STK32B: variants seen among roughly 807,000 people sequenced by gnomAD.
STK32B encodes serine/threonine-protein kinase 32B.
In STK32B, 43 loss-of-function variants were observed where a neutral mutation model predicts 52.6. The observed-to-expected ratio is 0.82, with a 90% CI of 0.64 to 1.05. The LOEUF is 1.05. Ranked by LOEUF, STK32B falls within the 50% of genes least tolerant of loss-of-function variation. The pLI is 0.00. For synonymous variants in STK32B, 238 were observed against 204.3 expected, an observed-to-expected ratio of 1.17 and a Z score of -1.41; for missense variants, 621 against 534.6, an observed-to-expected ratio of 1.16 and a Z score of -1.59.
intron 1 of STK32B, 26 bp from the exon 2 acceptor site, chr4:5,139,879 G>GT (rs1346576083): frequency 6.2e-7 from 1 of 1,614,008 alleles, no homozygotes; most frequent in Admixed American, 1.7e-5. Context: ...AATCTGACTT[G>GT]TTTCCTTTTT....
At chr4:5,060,295 T>C (rs1388985112) in intron 1 of STK32B, among the ~76,000 whole-genome samples, 1 of 152,212 alleles carries the variant, frequency 6.6e-6, no homozygotes, top group African/African-American at 2.4e-5. Flanking sequence ...AGTTTCAAGT[T>C]TATTGACATA....
At chr4:5,323,991 C>T (rs1731706260) in intron 3 of STK32B, among the ~76,000 whole-genome samples, 2 of 152,212 alleles carry the variant, frequency 1.3e-5, no homozygotes, top group Admixed American at 6.5e-5. Context: ...TGGTCTTGAG[C>T]TATCGAAGGC....
At chr4:5,420,910 T>A (rs1712583908) in intron 6 of STK32B, among the ~76,000 whole-genome samples, 3 of 152,054 alleles carry the variant, frequency 2.0e-5, no homozygotes, top group Admixed American at 2.0e-4. Flanking sequence ...TTTTGTTTTG[T>A]TTTTTTAAGA....
chr4:5,368,128 G>C (rs977593781), intron 4 of STK32B, among the ~76,000 whole-genome samples: 3 of 151,950 alleles, frequency 2.0e-5, no homozygotes, highest in Admixed American at 2.0e-4. Context: ...CAAAACCCAT[G>C]TTCGTCCTTT....
At chr4:5,189,447 T>C (rs1347888679) in intron 3 of STK32B, among the ~76,000 whole-genome samples, 1 of 152,224 alleles carries the variant, frequency 6.6e-6, no homozygotes, top group South Asian at 2.1e-4. Flanking sequence ...CTTAGCAATA[T>C]GCGTTTTAGT....
rs570953992 is a variant in STK32B, at chr4:5,139,181, G to A, written c.53-724G>A. 3.9e-5 allele frequency among the ~76,000 whole-genome samples: 6 copies of A among 152,148 alleles called. No individual in the cohort carries two copies. In the South Asian group the frequency reaches 8.3e-4, roughly 21 times the overall value. ...ACATGGAGCTACCTGATGAAAGACCGGATGTGGGGTAAGGGGAGAAAGGAG... is the reference window on the plus strand; with the variant it reads ...ACATGGAGCTACCTGATGAAAGACCAGATGTGGGGTAAGGGGAGAAAGGAG... On this transcript the variant is annotated intron_variant, in intron 1 of 11. Transcript: ENST00000282908.
At chr4:5,311,270 G>C (rs1244428253) in intron 3 of STK32B, among the ~76,000 whole-genome samples, 1 of 152,108 alleles carries the variant, frequency 6.6e-6, no homozygotes. Flanking sequence ...TTGAGATGAT[G>C]CTTATGCTAA....
chr4:5,488,860 A>G (rs1246212729), intron 11 of STK32B, among the ~76,000 whole-genome samples: 2 of 152,012 alleles, frequency 1.3e-5, no homozygotes, highest in Admixed American at 6.6e-5. Context: ...CCACCTCTAA[A>G]TAGCCTCTGA....
At chr4:5,274,557 A>G (rs1727679380) in intron 3 of STK32B, among the ~76,000 whole-genome samples, 1 of 152,200 alleles carries the variant, frequency 6.6e-6, no homozygotes, top group Non-Finnish European at 1.5e-5. Context: ...AGAGCTCACT[A>G]AAATGCTAAT....
chr4:5,471,960 G>A (rs981929037), intron 11 of STK32B, among the ~76,000 whole-genome samples: 2 of 152,186 alleles, frequency 1.3e-5, no homozygotes, highest in African/African-American at 4.8e-5. Flanking sequence ...TAACTTCCCT[G>A]CACAGCTGAC....
rs577075959 is a variant in STK32B at position 5,398,806 on chromosome 4, T to C, written c.472+562T>C. 2.0e-5 allele frequency among the ~76,000 whole-genome samples: 3 copies of C among 152,226 alleles called. No homozygotes were observed. The highest frequency in any genetic ancestry group is 4.4e-5 in the Non-Finnish European group (3 of 68,050). On this transcript the variant is annotated intron_variant, in intron 5 of 11. Coordinates refer to ENST00000282908, the MANE Select transcript of STK32B (RefSeq NM_018401.3). This position sits in a 1 kb window ranked among gnomAD's most constrained non-coding sequence, Gnocchi z 4.9. ...TCTTCTCAAACTGATTTAGTAAGTC[T>C]GAGATGGGACTAGACTCTGCAAAGT... is the stretch of plus-strand genomic sequence containing the variant.
chr4:5,116,184 G>GCA (rs146380270), intron 1 of STK32B, among the ~76,000 whole-genome samples: 2,154 of 149,104 alleles, frequency 0.014, 36 homozygotes, highest in African/African-American at 0.037. Flanking sequence ...GTGCATGCAC[G>GCA]CACACACACA....
intron 3 of STK32B, among the ~76,000 whole-genome samples, chr4:5,324,743 G>A (rs10002985): frequency 0.18 from 26,679 of 151,780 alleles, 2,800 homozygotes; most frequent in African/African-American, 0.28. Flanking sequence ...TGAGAAGTGA[G>A]TGATGGACAA....
At chr4:5,246,972 G>T (rs72613188) in intron 3 of STK32B, among the ~76,000 whole-genome samples, 1 of 152,046 alleles carries the variant, frequency 6.6e-6, no homozygotes, top group Non-Finnish European at 1.5e-5. Flanking sequence ...ATAAGGTGCC[G>T]GTCCGCCCCT....
At chr4:5,085,399 G>T (rs888396737) in intron 1 of STK32B, among the ~76,000 whole-genome samples, 3 of 152,178 alleles carry the variant, frequency 2.0e-5, no homozygotes, top group African/African-American at 7.2e-5. Flanking sequence ...GATAAATTGT[G>T]CAGTAAGGAG....
At chr4:5,229,008 A>G (rs1724061613) in intron 3 of STK32B, among the ~76,000 whole-genome samples, 1 of 152,214 alleles carries the variant, frequency 6.6e-6, no homozygotes, top group Admixed American at 6.5e-5. Flanking sequence ...ACTGTAGTAT[A>G]TTAAGTGTGC....
intron 6 of STK32B, among the ~76,000 whole-genome samples, chr4:5,418,853 T>A (rs1332898248): frequency 6.6e-6 from 1 of 152,154 alleles, no homozygotes; most frequent in Non-Finnish European, 1.5e-5. Flanking sequence ...GGAGTTAGAG[T>A]TGCACATGGG....
intron 11 of STK32B, among the ~76,000 whole-genome samples, chr4:5,485,874 T>A (rs954834392): frequency 3.9e-5 from 6 of 152,190 alleles, no homozygotes; most frequent in Non-Finnish European, 7.3e-5. Flanking sequence ...TTTGCCTGGG[T>A]ATCAGCAGCG....
rs1003936529 is a variant in STK32B, at chr4:5,363,531, C to A, written c.434+32138C>A. Among the ~76,000 whole-genome samples, 6 of 152,222 alleles carry A rather than the reference C, an allele frequency of 3.9e-5. No homozygotes were observed. In the East Asian group the frequency reaches 1.2e-3, roughly 29 times the overall value. On this transcript the variant is annotated intron_variant, in intron 4 of 11. Transcript: ENST00000282908. ...TTGGTGCCAGGTTCATGTCTTAGCT[C>A]AGTTACTAAGCCTGACATTGCTTTT...
Sources: gnomAD v4.1 joint callset for allele counts (sites outside exome capture counted in the v4.1 genomes callset) on GRCh38, gnomAD v4.1.1 for gene constraint, Gnocchi (gnomAD v3.1) non-coding constraint, MANE v1.5 for transcripts, NCBI Gene and HGNC (gene_info 2026-07-23, HGNC 2026-07-21) for gene names.